Variants in INTS9 observed in about 807,000 individuals in gnomAD.
INTS9 encodes protein related to CPSF subunits of 74 kDa.
Under a neutral mutation model 79.7 loss-of-function variants are expected in INTS9, and 55 were observed. That is an observed-to-expected ratio of 0.69 (90% CI 0.56 to 0.86). INTS9 has a LOEUF of 0.86. Ranked by LOEUF, INTS9 falls within the 40% of genes least tolerant of loss-of-function variation. The probability of loss-of-function intolerance (pLI) is 0.00; values close to 1 mark genes in which losing one functional copy is unlikely to be tolerated. For missense variants in INTS9, 721 were observed against 831.5 expected (o/e 0.87, Z 1.64); for synonymous variants, 319 against 325.2 (o/e 0.98, Z 0.20).
At chr8:28,789,206 T>C (rs1027382715) in intron 10 of INTS9, among the ~76,000 whole-genome samples, 1 of 152,210 alleles carries the variant, frequency 6.6e-6, no homozygotes, top group African/African-American at 2.4e-5. Context: ...TTATTTTGAT[T>C]GTTCCAAAGG....
chr8:28,778,613 G>T (rs370593194), intron 12 of INTS9, among the ~76,000 whole-genome samples: 87 of 152,322 alleles, frequency 5.7e-4, no homozygotes, highest in African/African-American at 2.0e-3. Flanking sequence ...CTCGCCCTCT[G>T]CTCAGCCTGT....
At chr8:28,867,252 G>T (rs554639181) in intron 1 of INTS9, among the ~76,000 whole-genome samples, 1 of 152,140 alleles carries the variant, frequency 6.6e-6, no homozygotes, top group Admixed American at 6.5e-5. Flanking sequence ...GTAAAACCCT[G>T]TCTCAACTGA....
At chr8:28,793,633 C>A in intron 10 of INTS9, 174 bp downstream of exon 10, 2 of 595,988 alleles carry the variant, frequency 3.4e-6, no homozygotes, top group Non-Finnish European at 5.7e-6. Flanking sequence ...TTATTCTAAA[C>A]TTAGCAATGC....
At chr8:28,782,831 G>A (rs1803361725) in intron 11 of INTS9, among the ~76,000 whole-genome samples, 1 of 152,118 alleles carries the variant, frequency 6.6e-6, no homozygotes, top group Admixed American at 6.5e-5. Context: ...TTGCAACGCT[G>A]TATTCTGGCA....
intron 11 of INTS9, among the ~76,000 whole-genome samples, chr8:28,786,621 G>A (rs2130921996): frequency 6.6e-6 from 1 of 152,186 alleles, no homozygotes; most frequent in South Asian, 2.1e-4. Context: ...TGTGTCTTTT[G>A]GTAACATCTC....
At chr8:28,773,893 G>C (rs1802718115) in intron 14 of INTS9, among the ~76,000 whole-genome samples, 1 of 152,116 alleles carries the variant, frequency 6.6e-6, no homozygotes, top group African/African-American at 2.4e-5. Flanking sequence ...CATGATCTTG[G>C]CTTACTGCAA....
chr8:28,871,899 A>C (rs1809117053), intron 1 of INTS9, among the ~76,000 whole-genome samples: 2 of 152,252 alleles, frequency 1.3e-5, no homozygotes, highest in Admixed American at 6.5e-5. Context: ...AGCTCTAAGA[A>C]ATGAGTAAGA....
chr8:28,790,426 C>A (rs762756151), intron 10 of INTS9, among the ~76,000 whole-genome samples: 4 of 152,206 alleles, frequency 2.6e-5, no homozygotes, highest in Non-Finnish European at 4.4e-5. Flanking sequence ...CCCCCAGGCT[C>A]AAGAAATCCT....
At chr8:28,838,597 G>A (rs954009103) in intron 4 of INTS9, among the ~76,000 whole-genome samples, 1 of 152,110 alleles carries the variant, frequency 6.6e-6, no homozygotes, top group Non-Finnish European at 1.5e-5. Flanking sequence ...AACTCCCAAA[G>A]TATTGCATGT....
intron 1 of INTS9, among the ~76,000 whole-genome samples, chr8:28,877,481 A>G (rs1038003403): frequency 3.3e-5 from 5 of 152,164 alleles, no homozygotes; most frequent in African/African-American, 1.2e-4. Flanking sequence ...ATAAATCTCT[A>G]TGGGAGCATT....
chr8:28,879,102 T>C (rs376828427), intron 1 of INTS9, among the ~76,000 whole-genome samples: 1 of 152,200 alleles, frequency 6.6e-6, no homozygotes, highest in African/African-American at 2.4e-5. Flanking sequence ...TATTACCTGA[T>C]ACCAATGTCA....
chr8:28,851,627 T>C (rs1340740895), intron 2 of INTS9, among the ~76,000 whole-genome samples: 3 of 151,828 alleles, frequency 2.0e-5, no homozygotes, highest in East Asian at 1.9e-4. Flanking sequence ...TTAGTAGAGA[T>C]GGGGTTTCAC....
intron 4 of INTS9, among the ~76,000 whole-genome samples, chr8:28,841,876 A>G (rs1310267298): frequency 6.6e-6 from 1 of 152,178 alleles, no homozygotes; most frequent in Admixed American, 6.5e-5. Flanking sequence ...GCTTGAGGCC[A>G]GGAGTTTGAG....
chr8:28,810,384 TA>T, intron 8 of INTS9: 1 of 152,570 alleles, frequency 6.6e-6, no homozygotes, highest in African/African-American at 2.4e-5. Context: ...TGGGAAGGGA[TA>T]AAAGGAGAAA....
chr8:28,792,987 G>A (rs1804002110), intron 10 of INTS9, among the ~76,000 whole-genome samples: 1 of 151,880 alleles, frequency 6.6e-6, no homozygotes, highest in Non-Finnish European at 1.5e-5. Flanking sequence ...TAAACACAGC[G>A]GGGAAAAAAA....
At chr8:28,770,108 C>G in intron 15 of INTS9, 82 bp from the exon 16 acceptor site, 1 of 1,509,856 alleles carries the variant, frequency 6.6e-7, no homozygotes, top group Non-Finnish European at 8.9e-7. Flanking sequence ...GAGCCTGAGA[C>G]TATCCTGTCC....
At chr8:28,848,294 T>C (rs936879503) in intron 3 of INTS9, among the ~76,000 whole-genome samples, 1 of 152,270 alleles carries the variant, frequency 6.6e-6, no homozygotes, top group African/African-American at 2.4e-5. Flanking sequence ...ATATTGTACA[T>C]ATCCATATAT....
chr8:28,859,678 GCTAA>G (rs747984801), intron 1 of INTS9, 115 bp from the exon 2 acceptor site: 47 of 1,175,380 alleles, frequency 4.0e-5, no homozygotes, highest in Middle Eastern at 5.2e-4. Context: ...GTTAAGTTCA[GCTAA>G]CTTTCTATGT....
At chr8:28,842,891 T>C (rs1807272607) in intron 4 of INTS9, among the ~76,000 whole-genome samples, 1 of 152,318 alleles carries the variant, frequency 6.6e-6, no homozygotes, top group Non-Finnish European at 1.5e-5. Context: ...GAGTTGACAG[T>C]CCTTTCCATA....
Sources: allele counts gnomAD v4.1 joint callset (sites outside exome capture counted in the v4.1 genomes callset), GRCh38; gene constraint gnomAD v4.1.1; transcripts MANE v1.5; gene names NCBI Gene and HGNC (gene_info 2026-07-23, HGNC 2026-07-21).